SLCO1B1: variants seen among roughly 807,000 people sequenced by gnomAD.
SLCO1B1 encodes the protein solute carrier organic anion transporter family member 1B1.
In SLCO1B1, 81 loss-of-function variants were observed where a neutral mutation model predicts 70.1. The ratio of observed to expected loss-of-function variants is 1.16; its 90% confidence interval spans 0.97 to 1.39. The LOEUF (loss-of-function observed/expected upper bound fraction) is 1.39. Among genes scored for constraint, SLCO1B1 ranks in the 40% most tolerant of loss-of-function variants. The probability of loss-of-function intolerance (pLI) is 0.00; values close to 1 mark genes in which losing one functional copy is unlikely to be tolerated. For missense variants in SLCO1B1, 895 were observed against 799.6 expected (o/e 1.12, Z -1.44); for synonymous variants, 283 against 271.5 (o/e 1.04, Z -0.42).
intron 1 of SLCO1B1, among the ~76,000 whole-genome samples, chr12:21,134,849 T>C (rs950294673): frequency 1.3e-5 from 2 of 152,200 alleles, no homozygotes; most frequent in African/African-American, 4.8e-5. Flanking sequence ...TCTGCTCTGA[T>C]GGTAGTTATT....
intron 2 of SLCO1B1, among the ~76,000 whole-genome samples, chr12:21,150,594 G>A (rs1987386): frequency 0.48 from 72,924 of 152,050 alleles, 20,998 homozygotes; most frequent in South Asian, 0.76. Flanking sequence ...CAGACCTGCA[G>A]CTGAGGGGCC....
At chr12:21,146,632 T>C (rs970434245) in intron 2 of SLCO1B1, among the ~76,000 whole-genome samples, 1 of 152,164 alleles carries the variant, frequency 6.6e-6, no homozygotes, top group Non-Finnish European at 1.5e-5. Context: ...TGATCACTTG[T>C]ATGTTTAATT....
intron 7 of SLCO1B1, among the ~76,000 whole-genome samples, chr12:21,183,177 G>A (rs1474831384): frequency 6.6e-6 from 1 of 152,126 alleles, no homozygotes; most frequent in Non-Finnish European, 1.5e-5. Flanking sequence ...CCATTTACTG[G>A]ATCACAGCTC....
In SLCO1B1 at chr12:21,178,953, A is replaced by T; in HGVS notation, c.660A>T (p.Pro220=). 3.1e-6 allele frequency: 5 copies of T among 1,612,256 alleles called. No individual in the cohort carries two copies. Among genetic ancestry groups the T allele is most frequent in the Non-Finnish European group, 4.2e-6 (5 of 1,178,706 alleles). ...GILNAIAMIG[P]IIGFTLGSLF... is the part of the protein sequence containing the mutation. ...TGAATGCAATAGCAATGATTGGTCC[A>T]ATCATTGGCTTTACCCTGGGATCTC... Residue 220 remains proline (P), a synonymous_variant, in exon 7 of 15, where the codon CCA becomes CCT. Transcript: ENST00000256958.
intron 10 of SLCO1B1, among the ~76,000 whole-genome samples, chr12:21,205,439 T>C (rs897893059): frequency 6.6e-6 from 1 of 151,940 alleles, no homozygotes; most frequent in African/African-American, 2.4e-5. Context: ...CCTAGTTAAA[T>C]AGCATTCGTA....
intron 1 of SLCO1B1, among the ~76,000 whole-genome samples, chr12:21,138,435 C>G (rs1448695642): frequency 6.6e-6 from 1 of 152,118 alleles, no homozygotes. Context: ...AAAATATGTT[C>G]AGAGAAAAAT....
At chr12:21,138,849 G>C (rs1940267145) in intron 1 of SLCO1B1, among the ~76,000 whole-genome samples, 2 of 152,176 alleles carry the variant, frequency 1.3e-5, no homozygotes, top group South Asian at 4.1e-4. Flanking sequence ...GTGGTTTCAT[G>C]TGTCTGCAGG....
intron 11 of SLCO1B1, among the ~76,000 whole-genome samples, chr12:21,210,884 T>C (rs1014841084): frequency 9.2e-5 from 14 of 152,050 alleles, no homozygotes; most frequent in African/African-American, 3.4e-4. Context: ...TGTATAGGAA[T>C]GCTTGTGATT....
chr12:21,132,540 A>T (rs1940153865), intron 1 of SLCO1B1, among the ~76,000 whole-genome samples: 1 of 152,156 alleles, frequency 6.6e-6, no homozygotes, highest in Non-Finnish European at 1.5e-5. Context: ...AACTGGTGTG[A>T]GATAGTATCT....
At position 21,239,170 on chromosome 12, in the gene SLCO1B1, A is replaced by T. The variant is rs201158567; in HGVS notation, c.2057A>T (p.Asp686Val). ...CATTTTGTCCCTTCTGCTGGGGCAG[A>T]TAGTGAAACACATTGTTAAGGGGAG... ...NKHFVPSAGA[D>V]SETHC The change falls in exon 15 of 15, where the codon GAT becomes GTT. Residue 686 changes from aspartate to valine, a missense_variant. Physicochemically the swap from Asp to Val is radical, Grantham distance 152 (BLOSUM62 -3). Transcript: ENST00000256958. 8.1e-6 allele frequency: 13 copies of T among 1,612,460 alleles called. No individual in the cohort carries two copies. Among genetic ancestry groups the T allele is most frequent in the Non-Finnish European group, 1.1e-5 (13 of 1,178,828 alleles).
intron 1 of SLCO1B1, among the ~76,000 whole-genome samples, chr12:21,137,653 TCTC>T (rs1940245583): frequency 6.6e-6 from 1 of 152,186 alleles, no homozygotes; most frequent in Admixed American, 6.5e-5. Context: ...CAGGATATAA[TCTC>T]CTGGTGTGCT....
chr12:21,184,142 A>G (rs1182586526), intron 7 of SLCO1B1, among the ~76,000 whole-genome samples: 1 of 152,116 alleles, frequency 6.6e-6, no homozygotes, highest in Non-Finnish European at 1.5e-5. Flanking sequence ...TTCCTGAGAG[A>G]GAAAAAGAGA....
chr12:21,161,497 T>G (rs1434902359), intron 2 of SLCO1B1, among the ~76,000 whole-genome samples: 1 of 151,744 alleles, frequency 6.6e-6, no homozygotes, highest in Admixed American at 6.6e-5. Flanking sequence ...TGACAAACAC[T>G]GGGGTCTAGC....
chr12:21,227,418 A>C (rs1207545514), intron 14 of SLCO1B1, among the ~76,000 whole-genome samples: 1 of 152,136 alleles, frequency 6.6e-6, no homozygotes, highest in Admixed American at 6.5e-5. Context: ...CTCTGGAGTA[A>C]AGACCTAGGA....
At chr12:21,167,320 A>G (rs1396780692) in intron 2 of SLCO1B1, among the ~76,000 whole-genome samples, 4 of 152,192 alleles carry the variant, frequency 2.6e-5, no homozygotes, top group Admixed American at 2.6e-4. Flanking sequence ...AAAGAACCTA[A>G]ATTAGTAGAC....
chr12:21,176,660 T>C (rs780906520), intron 4 of SLCO1B1, 116 bp from the exon 5 acceptor site: 1 of 803,360 alleles, frequency 1.2e-6, no homozygotes, highest in Non-Finnish European at 2.1e-6. Flanking sequence ...GAAAGTACTC[T>C]GGTAATTTGG....
intron 7 of SLCO1B1, among the ~76,000 whole-genome samples, chr12:21,184,834 C>T (rs1288856161): frequency 6.6e-6 from 1 of 151,996 alleles, no homozygotes; most frequent in Non-Finnish European, 1.5e-5. Context: ...CATAAGTAGA[C>T]AAAACTTAGC....
intron 3 of SLCO1B1, 131 bp from the exon 4 acceptor site, chr12:21,174,446 C>A: frequency 1.2e-6 from 1 of 850,072 alleles, no homozygotes; most frequent in African/African-American, 1.7e-5. Flanking sequence ...AATTCACCTT[C>A]TCAATTAAAT....
chr12:21,214,548 T>C (rs1426881457), intron 11 of SLCO1B1, among the ~76,000 whole-genome samples: 1 of 151,014 alleles, frequency 6.6e-6, no homozygotes, highest in Non-Finnish European at 1.5e-5. Context: ...AGGTGGAGCC[T>C]ACAGAGGCAG....
Sources: gnomAD v4.1 joint callset for allele counts (sites outside exome capture counted in the v4.1 genomes callset) on GRCh38, gnomAD v4.1.1 for gene constraint, MANE v1.5 for transcripts, NCBI Gene and HGNC (gene_info 2026-07-23, HGNC 2026-07-21) for gene names.